Variants in AGMO observed in about 807,000 individuals in gnomAD.
The protein encoded by AGMO is glyceryl-ether monooxygenase.
A neutral mutation model predicts 60.2 loss-of-function variants in AGMO; 75 were observed. The ratio of observed to expected loss-of-function variants is 1.25; its 90% CI spans 1.03 to 1.51. The LOEUF (loss-of-function observed/expected upper bound fraction) is 1.51, where lower values mean the gene tolerates loss of function less well. Among genes scored for constraint, AGMO ranks in the 40% most tolerant of loss-of-function variants. The pLI, the probability that AGMO is intolerant of heterozygous loss-of-function variation, is 0.00. For missense variants in AGMO, 763 were observed against 525.5 expected, an observed-to-expected ratio of 1.45 and a Z score of -4.42; for synonymous variants, 261 against 177.1, an observed-to-expected ratio of 1.47 and a Z score of -3.76.
chr7:15,338,130 A>G (rs1427387131), intron 12 of AGMO, among the ~76,000 whole-genome samples: 2 of 152,168 alleles, frequency 1.3e-5, no homozygotes, highest in African/African-American at 2.4e-5. Flanking sequence ...TGTATATTTT[A>G]TGTTTTCTCT....
At chr7:15,350,074 C>T (rs887257658) in intron 12 of AGMO, among the ~76,000 whole-genome samples, 1 of 152,104 alleles carries the variant, frequency 6.6e-6, no homozygotes, top group African/African-American at 2.4e-5. Context: ...AATCATGAAA[C>T]TGAGAATTAA....
chr7:15,196,554 T>G (rs1781120629), downstream of AGMO, among the ~76,000 whole-genome samples: 1 of 152,220 alleles, frequency 6.6e-6, no homozygotes, highest in South Asian at 2.1e-4. Flanking sequence ...TTCTCCTTCA[T>G]TCTAGTTTGG....
intron 12 of AGMO, among the ~76,000 whole-genome samples, chr7:15,329,674 C>G (rs898878713): frequency 1.2e-4 from 18 of 152,232 alleles, no homozygotes; most frequent in Middle Eastern, 3.4e-3. Context: ...TATATCCTGT[C>G]CATTATTATG....
intron 3 of AGMO, among the ~76,000 whole-genome samples, chr7:15,435,768 A>G (rs917080772): frequency 6.6e-6 from 1 of 152,192 alleles, no homozygotes; most frequent in Non-Finnish European, 1.5e-5. Context: ...ATAACAAAAA[A>G]CAAAGGTAAT....
intron 12 of AGMO, among the ~76,000 whole-genome samples, chr7:15,330,728 G>C (rs1226083256): frequency 6.6e-6 from 1 of 152,056 alleles, no homozygotes; most frequent in East Asian, 1.9e-4. Context: ...GAATTTTAAA[G>C]TCAAGCATTC....
chr7:15,245,772 C>T (rs1425284525), intron 12 of AGMO, among the ~76,000 whole-genome samples: 1 of 152,042 alleles, frequency 6.6e-6, no homozygotes, highest in African/African-American at 2.4e-5. Flanking sequence ...TCTAATTTGC[C>T]AATCCAGAAA....
the AGMO span, among the ~76,000 whole-genome samples, chr7:15,172,799 G>A: frequency 4.7e-4 from 72 of 152,236 alleles, no homozygotes; most frequent in Middle Eastern, 3.4e-3. Context: ...GTTGAGCGTC[G>A]CGGAGACTTG....
chr7:15,428,539 GA>G (rs1781134066), intron 4 of AGMO, among the ~76,000 whole-genome samples: 9 of 152,146 alleles, frequency 5.9e-5, no homozygotes, highest in Admixed American at 5.2e-4. Flanking sequence ...ACTTAATAAA[GA>G]AAAGGACACA....
chr7:15,374,458 C>T (rs1389589054), intron 10 of AGMO, among the ~76,000 whole-genome samples: 1 of 151,818 alleles, frequency 6.6e-6, no homozygotes, highest in Admixed American at 6.6e-5. Flanking sequence ...AAATAAAAGC[C>T]AAAGATTACA....
At chr7:15,530,513 AT>A (rs1301686935) in intron 3 of AGMO, among the ~76,000 whole-genome samples, 12 of 70,804 alleles carry the variant, frequency 1.7e-4, no homozygotes, top group Non-Finnish European at 3.3e-4. Flanking sequence ...GTATTTCTAT[AT>A]ATATATTCTA....
chr7:15,298,878 C>A (rs1215374666), intron 12 of AGMO, among the ~76,000 whole-genome samples: 3 of 152,036 alleles, frequency 2.0e-5, no homozygotes, highest in African/African-American at 7.3e-5. Context: ...TTCTTATTGT[C>A]CACCCCTCTA....
chr7:15,354,345 C>CGTGTATATAGACGTGTGTATATAGACGT lies in AGMO; in HGVS notation c.1263+11141_1263+11168dup, dbSNP rs1174252580. The stretch of plus-strand genomic sequence containing the variant: ...ATATACGTACGCGTGTATATACACG[C>CGTGTATATAGACGTGTGTATATAGACGT]GTGTATATAGACGTGTGTATATAGA... On this transcript the variant is annotated intron_variant, in intron 12 of 12. Transcript: ENST00000342526. 7.0e-4 allele frequency among the ~76,000 whole-genome samples: 31 copies of CGTGTATATAGACGTGTGTATATAGACGT among 44,254 alleles called. 4 individuals carry two copies. The highest frequency in any genetic ancestry group is 2.9e-3 in the South Asian group (3 of 1,044). 29.0% of individuals were successfully genotyped at this position (44,254 alleles called of 152,430 possible).
intron 12 of AGMO, among the ~76,000 whole-genome samples, chr7:15,302,822 A>G (rs1354229388): frequency 6.6e-6 from 1 of 152,182 alleles, no homozygotes; most frequent in African/African-American, 2.4e-5. Context: ...AGTCAACTAG[A>G]GTTAAGCTTC....
chr7:15,247,414 TCACACACACACACACACACACACACA>T (rs71525649), intron 12 of AGMO, among the ~76,000 whole-genome samples: 2 of 123,732 alleles, frequency 1.6e-5, no homozygotes, highest in Non-Finnish European at 3.3e-5. Flanking sequence ...CTTGGAGATT[TCACACACACACACACACACACACACA>T]CACACACACA....
chr7:15,514,595 C>G (rs1199125615), intron 3 of AGMO, among the ~76,000 whole-genome samples: 5 of 151,974 alleles, frequency 3.3e-5, no homozygotes, highest in Non-Finnish European at 7.4e-5. Context: ...CATTTAAAAA[C>G]TTGGAAAGGA....
the AGMO span, among the ~76,000 whole-genome samples, chr7:15,123,188 T>C: frequency 6.6e-6 from 1 of 152,072 alleles, no homozygotes; most frequent in East Asian, 1.9e-4. Context: ...TAGAAACTCA[T>C]CTGCTCAATG....
intron 12 of AGMO, among the ~76,000 whole-genome samples, chr7:15,297,811 T>G (rs1784447398): frequency 6.6e-6 from 1 of 152,120 alleles, no homozygotes; most frequent in Non-Finnish European, 1.5e-5. Flanking sequence ...GACTGGAAAG[T>G]AGGCAAACAT....
chr7:15,492,216 G>A (rs972825661), intron 3 of AGMO, among the ~76,000 whole-genome samples: 14 of 152,118 alleles, frequency 9.2e-5, no homozygotes, highest in African/African-American at 3.4e-4. Context: ...TATCAAAGAA[G>A]TTCAGTGGCT....
chr7:15,251,345 A>G (rs1287043214), intron 12 of AGMO, among the ~76,000 whole-genome samples: 1 of 152,172 alleles, frequency 6.6e-6, no homozygotes, highest in East Asian at 1.9e-4. Flanking sequence ...GAAAGTAAAA[A>G]CTGTCCTGGG....
Sources: gnomAD v4.1 joint callset for allele counts (sites outside exome capture counted in the v4.1 genomes callset) on GRCh38, gnomAD v4.1.1 for gene constraint, MANE v1.5 for transcripts, NCBI Gene and HGNC (gene_info 2026-07-23, HGNC 2026-07-21) for gene names.